Variants in LAMA1 observed in about 807,000 individuals in gnomAD.
The protein encoded by LAMA1 is laminin subunit alpha 1.
Under a neutral mutation model 348.7 loss-of-function variants are expected in LAMA1, and 219 were observed. That is an observed-to-expected ratio of 0.63 (90% CI 0.56 to 0.70). The LOEUF is 0.70. Among genes scored for constraint, LAMA1 ranks in the 30% least tolerant of loss-of-function variants. The probability of loss-of-function intolerance (pLI) is 0.00; values close to 1 mark genes in which losing one functional copy is unlikely to be tolerated. For synonymous variants in LAMA1, 1,487 were observed against 1,491.0 expected, an observed-to-expected ratio of 1.00 and a Z score of 0.06; for missense variants, 3,744 against 3,888.0, an observed-to-expected ratio of 0.96 and a Z score of 0.99.
At position 7,032,132 on chromosome 18, in the gene LAMA1, T is replaced by C. The variant is rs766507201; in HGVS notation, c.2208A>G (p.Gly736=). The C allele has an allele frequency of 1.2e-6, 2 of 1,614,146 alleles. No homozygotes were observed. The change falls in exon 16 of 63, where the codon GGA becomes GGG. Residue 736 remains glycine (G), a synonymous_variant. Transcript: ENST00000389658. ...GYYRVDGILF[G]GICQPCECHG... ...GGCATTCACAGGGTTGACAAATTCCTCCAAAGAGTATTCCATCCACGCGGT... is the reference window on the plus strand; with the variant it reads ...GGCATTCACAGGGTTGACAAATTCCCCCAAAGAGTATTCCATCCACGCGGT...
At position 7,043,284 on chromosome 18, in the gene LAMA1, C is replaced by G; in HGVS notation, c.1098G>C (p.Gln366His). 6.2e-7 allele frequency: 1 copy of G among 1,614,140 alleles called. No individual in the cohort carries two copies. The highest frequency in any genetic ancestry group is 8.5e-7 in the Non-Finnish European group (1 of 1,180,020). The change falls in exon 8 of 63, where the codon CAG becomes CAC. Residue 366 changes from glutamine (Q) to histidine (H), a missense_variant. Gln to His is a conservative substitution (Grantham distance 24). This residue lies in a region of LAMA1 where 1,529 missense variants were observed against 1,689.4 expected (regional missense o/e 0.91). Transcript: ENST00000389658. ...RGGGVCINCLQNTMGINCETC... is the reference protein window; with the variant it reads ...RGGGVCINCLHNTMGINCETC... ...TTTCACAGTTGATTCCCATGGTGTTCTGCAAGCAATTTATGCAAACCCCTC... is the reference window on the plus strand; with the variant it reads ...TTTCACAGTTGATTCCCATGGTGTTGTGCAAGCAATTTATGCAAACCCCTC...
intron 18 of LAMA1, 148 bp from the exon 19 acceptor site, chr18:7,023,523 C>A: frequency 1.4e-6 from 1 of 733,824 alleles, no homozygotes; most frequent in Non-Finnish European, 2.4e-6. Context: ...CCCACTCGGG[C>A]ATTCCCAGAT....
At chr18:7,084,075 A>G (rs1258995279) in intron 1 of LAMA1, among the ~76,000 whole-genome samples, 4 of 46,624 alleles carry the variant, frequency 8.6e-5, no homozygotes, top group Admixed American at 3.1e-4. Context: ...TCTGTCTCAG[A>G]AAAAAAAAAA....
At chr18:6,986,054 G>A in intron 37 of LAMA1, 83 bp downstream of exon 37, 1 of 1,501,744 alleles carries the variant, frequency 6.7e-7, no homozygotes, top group Non-Finnish European at 9.2e-7. Flanking sequence ...CACCCAGCCA[G>A]GCCAGGGCTC....
At chr18:7,043,134 A>C in intron 8 of LAMA1, 93 bp downstream of exon 8, 1 of 1,207,990 alleles carries the variant, frequency 8.3e-7, no homozygotes, top group South Asian at 1.2e-5. Context: ...AAATATTACA[A>C]AAGTCTCCAA....
intron 42 of LAMA1, 150 bp downstream of exon 42, chr18:6,980,371 T>C (rs750987402): frequency 3.1e-6 from 2 of 640,952 alleles, no homozygotes; most frequent in East Asian, 2.7e-5. Flanking sequence ...TTCTAAATCA[T>C]ATTCCTTTGC....
intron 43 of LAMA1, 123 bp from the exon 44 acceptor site, chr18:6,978,004 T>G: frequency 1.5e-6 from 2 of 1,297,148 alleles, no homozygotes; most frequent in Non-Finnish European, 2.2e-6. Flanking sequence ...GCCATGACAT[T>G]GTGGTACAAA....
chr18:7,010,371 A>G lies in LAMA1; in HGVS notation c.3702T>C (p.Gly1234=), dbSNP rs1568029500. The change falls in exon 26 of 63, where the codon GGT becomes GGC. Residue 1234 remains glycine, a synonymous_variant. Transcript: ENST00000389658. ...QFQGDQLMAY[G]GKLKYSVAFY... is the part of the protein sequence containing the mutation. ...AGGCCACGCTGTACTTCAGTTTGCC[A>G]CCATAGGCCATGAGCTATCAAATAA... 6.2e-7 allele frequency: 1 copy of G among 1,614,108 alleles called. No homozygotes were observed. Among genetic ancestry groups the G allele is most frequent in the Non-Finnish European group, 8.5e-7 (1 of 1,180,028 alleles).
In LAMA1 at chr18:6,973,221, A is replaced by G; in HGVS notation, c.6624-14T>C. 1 of 1,613,736 alleles carries G rather than the reference A, an allele frequency of 6.2e-7. No homozygotes were observed. ...ATGTTTCCAAATCTAAGGGTTACAAAGAATTGCAAAAGAAATTTTCAGAAT... is the reference window on the plus strand; with the variant it reads ...ATGTTTCCAAATCTAAGGGTTACAAGGAATTGCAAAAGAAATTTTCAGAAT... On this transcript the variant is annotated splice_polypyrimidine_tract_variant and intron_variant, in intron 46 of 62. Coordinates refer to ENST00000389658, the MANE Select transcript of LAMA1 (RefSeq NM_005559.4).
chr18:7,016,079 A>T (rs2057886423), intron 21 of LAMA1, among the ~76,000 whole-genome samples: 1 of 152,160 alleles, frequency 6.6e-6, no homozygotes, highest in Non-Finnish European at 1.5e-5. Context: ...GGACAGGGGA[A>T]ATAGAGAAAA....
intron 62 of LAMA1, 130 bp from the exon 63 acceptor site, chr18:6,942,369 G>C (rs2057502619): frequency 2.0e-6 from 2 of 979,866 alleles, no homozygotes; most frequent in Non-Finnish European, 3.0e-6. Flanking sequence ...AAAATTAGGA[G>C]AATATCTTCC....
intron 25 of LAMA1, among the ~76,000 whole-genome samples, chr18:7,010,897 T>C (rs1338674436): frequency 6.6e-6 from 1 of 152,138 alleles, no homozygotes; most frequent in African/African-American, 2.4e-5. Context: ...ACACAGTGGG[T>C]CCCATACCAC....
At position 7,033,097 on chromosome 18, in the gene LAMA1, TACAAATAGAC is replaced by T. The variant is rs1266796629; in HGVS notation, c.2052-12_2052-3del. On this transcript the variant is annotated splice_polypyrimidine_tract_variant and splice_region_variant and intron_variant, in intron 14 of 62. Transcript: ENST00000389658. ...ATGTCCAGAGAGACGGACTCCAACCTACAAATAGACAGATTGTTATGTGACTCACACGCTC... is the reference window on the plus strand; with the variant it reads ...ATGTCCAGAGAGACGGACTCCAACCTAGATTGTTATGTGACTCACACGCTC... 1 of 1,595,012 alleles carries T rather than the reference TACAAATAGAC, an allele frequency of 6.3e-7. No individual in the cohort carries two copies. Among genetic ancestry groups the T allele is most frequent in the East Asian group, 2.2e-5 (1 of 44,534 alleles).
chr18:6,968,747 G>A lies in LAMA1; in HGVS notation c.6900-2450C>T, dbSNP rs145108803. Among the ~76,000 whole-genome samples the A allele has an allele frequency of 4.2e-3, 646 of 152,282 alleles. 4 individuals are homozygous for A. Among genetic ancestry groups the A allele is most frequent in the African/African-American group, 0.015 (618 of 41,562 alleles). The stretch of plus-strand genomic sequence containing the variant: ...GCTCATAATTACAGAGTGACCCCAT[G>A]TACAAGTGTAATAATATATTCAAGG... On this transcript the variant is annotated intron_variant, in intron 48 of 62. Coordinates refer to ENST00000389658, the MANE Select transcript of LAMA1 (RefSeq NM_005559.4).
chr18:7,094,047 G>A (rs2058250630), intron 1 of LAMA1, among the ~76,000 whole-genome samples: 1 of 152,060 alleles, frequency 6.6e-6, no homozygotes, highest in African/African-American at 2.4e-5. Context: ...AAAGTGCCAG[G>A]ATTATAGGAG....
intron 12 of LAMA1, among the ~76,000 whole-genome samples, chr18:7,037,116 C>T (rs1359957682): frequency 1.3e-5 from 2 of 152,196 alleles, no homozygotes; most frequent in Admixed American, 1.3e-4. Flanking sequence ...TTCAGATGAG[C>T]ACAGCCTGCC....
chr18:7,117,639 T>C, intron 1 of LAMA1, 21 bp downstream of exon 1: 1 of 1,594,174 alleles, frequency 6.3e-7, no homozygotes, highest in Non-Finnish European at 8.5e-7. Context: ...ACAGGGACCC[T>C]AGGACCCGGG....
intron 48 of LAMA1, among the ~76,000 whole-genome samples, chr18:6,969,319 G>T (rs1314454222): frequency 6.6e-6 from 1 of 152,086 alleles, no homozygotes; most frequent in Non-Finnish European, 1.5e-5. Flanking sequence ...GATTACAGGC[G>T]TGACCCTCAC....
intron 4 of LAMA1, 90 bp downstream of exon 4, chr18:7,050,604 A>T: frequency 1.3e-6 from 2 of 1,575,724 alleles, no homozygotes; most frequent in South Asian, 2.2e-5. Flanking sequence ...TATATTAAAG[A>T]TCTTTGTATT....
Sources: gnomAD v4.1 joint callset for allele counts (sites outside exome capture counted in the v4.1 genomes callset) on GRCh38, gnomAD v4.1.1 for gene constraint, gnomAD v4.1.1 regional missense constraint, MANE v1.5 for transcripts, NCBI Gene and HGNC (gene_info 2026-07-23, HGNC 2026-07-21) for gene names.